SHISA9: variants seen among roughly 807,000 people sequenced by gnomAD.
The protein encoded by SHISA9 is shisa family member 9.
In SHISA9, 13 loss-of-function variants were observed where a neutral mutation model predicts 38.0. That is an observed-to-expected ratio of 0.34 (90% CI 0.22 to 0.54). SHISA9 has a LOEUF of 0.54. SHISA9 is among the 20% of genes least tolerant of loss of function. The probability of loss-of-function intolerance (pLI) is 0.91; values close to 1 mark genes in which losing one functional copy is unlikely to be tolerated. For missense variants in SHISA9, 538 were observed against 575.8 expected, an observed-to-expected ratio of 0.93 and a Z score of 0.67; for synonymous variants, 275 against 242.0, an observed-to-expected ratio of 1.14 and a Z score of -1.27.
At chr16:13,299,976 T>C in the SHISA9 span, among the ~76,000 whole-genome samples, 1 of 152,086 alleles carries the variant, frequency 6.6e-6, no homozygotes, top group Non-Finnish European at 1.5e-5. Context: ...GGTAGGAGTG[T>C]GGTTGCTCAA....
chr16:13,166,511 C>G (rs1034859745), intron 2 of SHISA9, among the ~76,000 whole-genome samples: 3 of 152,248 alleles, frequency 2.0e-5, no homozygotes, highest in African/African-American at 2.4e-5. Flanking sequence ...TCTATTCCCT[C>G]TGCACCCTCT....
the SHISA9 span, among the ~76,000 whole-genome samples, chr16:13,262,727 G>T: frequency 7.5e-6 from 1 of 132,562 alleles, no homozygotes; most frequent in African/African-American, 2.8e-5. Flanking sequence ...GAAGAGGCAG[G>T]GAGGGAGGGA....
At chr16:13,271,733 C>G in the SHISA9 span, among the ~76,000 whole-genome samples, 1 of 151,926 alleles carries the variant, frequency 6.6e-6, no homozygotes, top group African/African-American at 2.4e-5. Context: ...TGGAGGTGGG[C>G]ATAGTGATGA....
chr16:13,076,094 G>A (rs968889329), intron 2 of SHISA9, among the ~76,000 whole-genome samples: 7 of 149,858 alleles, frequency 4.7e-5, no homozygotes, highest in African/African-American at 1.2e-4. Context: ...GCAGTGGCGC[G>A]ATCTTGGCTT....
chr16:13,216,229 T>A (rs1006731652), intron 4 of SHISA9, among the ~76,000 whole-genome samples: 1 of 148,456 alleles, frequency 6.7e-6, no homozygotes, highest in African/African-American at 2.5e-5. Context: ...TTGGATATGA[T>A]GGGCTTAGAC....
the SHISA9 span, among the ~76,000 whole-genome samples, chr16:13,413,759 A>T: frequency 2.9e-4 from 2 of 6,982 alleles, no homozygotes; most frequent in African/African-American, 7.0e-4. Flanking sequence ...CTTCATCTCA[A>T]AAAAAAAAAA....
At chr16:13,266,741 G>A in the SHISA9 span, among the ~76,000 whole-genome samples, 1 of 152,308 alleles carries the variant, frequency 6.6e-6, no homozygotes, top group South Asian at 2.1e-4. Context: ...GTGGAACAGA[G>A]AGAAAAAAGG....
the SHISA9 span, among the ~76,000 whole-genome samples, chr16:13,323,616 G>A: frequency 3.0e-4 from 46 of 152,242 alleles, no homozygotes; most frequent in African/African-American, 1.1e-3. Flanking sequence ...TCACAGTTCC[G>A]CACGCCTGGG....
intron 2 of SHISA9, among the ~76,000 whole-genome samples, chr16:13,056,034 A>T (rs2073305841): frequency 6.6e-6 from 1 of 152,184 alleles, no homozygotes; most frequent in African/African-American, 2.4e-5. Flanking sequence ...CGCCTCTGTC[A>T]TGTGGACTGT....
the SHISA9 span, among the ~76,000 whole-genome samples, chr16:13,328,593 C>T: frequency 0.12 from 1,731 of 14,338 alleles, 27 homozygotes; most frequent in African/African-American, 0.21. Flanking sequence ...TATGTGTATA[C>T]ACACACACAC....
chr16:13,153,505 C>T (rs2050517390), intron 2 of SHISA9, among the ~76,000 whole-genome samples: 1 of 152,124 alleles, frequency 6.6e-6, no homozygotes. Flanking sequence ...TGATGTATCT[C>T]ATGCCCATTT....
Position 12,919,995 on chromosome 16 carries a change from T to G in SHISA9, c.691+3180T>G, listed in dbSNP as rs573249939. On this transcript the variant is annotated intron_variant, in intron 2 of 4. Coordinates refer to ENST00000558583, the MANE Select transcript of SHISA9 (RefSeq NM_001145204.3). ...CCTACCTCCTGCACCCCGACTTCCC[T>G]GACTGCCAGTGACACCCCTCTCCCC... Among the ~76,000 whole-genome samples the G allele has an allele frequency of 3.3e-5, 5 of 152,354 alleles. No homozygotes were observed. In the South Asian group the frequency reaches 1.0e-3, roughly 32 times the overall value.
rs544140686 is a variant in SHISA9 at position 13,054,767 on chromosome 16, C to T, written c.691+137952C>T. Among the ~76,000 whole-genome samples the T allele has an allele frequency of 7.9e-5, 12 of 152,290 alleles. No homozygotes were observed. The East Asian group carries it at 2.3e-3, about 29-fold the overall frequency. Reference sequence around the variant, plus strand: ...CTGCTTCTGGCCTCTCTCTGCACCTCCAGCCCCTCTCATGAGTGATGTTCA... The same window carrying T: ...CTGCTTCTGGCCTCTCTCTGCACCTTCAGCCCCTCTCATGAGTGATGTTCA... On this transcript the variant is annotated intron_variant, in intron 2 of 4. Coordinates refer to ENST00000558583, the MANE Select transcript of SHISA9 (RefSeq NM_001145204.3).
At chr16:12,947,240 T>C (rs1174459903) in intron 2 of SHISA9, among the ~76,000 whole-genome samples, 1 of 152,170 alleles carries the variant, frequency 6.6e-6, no homozygotes, top group East Asian at 1.9e-4. Context: ...GAAAAAGGTA[T>C]ATGACTGTAG....
intron 2 of SHISA9, among the ~76,000 whole-genome samples, chr16:13,177,152 CTTTG>C (rs1006013491): frequency 6.6e-6 from 1 of 152,196 alleles, no homozygotes; most frequent in African/African-American, 2.4e-5. Flanking sequence ...AAAATCTGCA[CTTTG>C]TTTGCACCAG....
intron 2 of SHISA9, among the ~76,000 whole-genome samples, chr16:12,981,511 T>C (rs749245367): frequency 6.6e-6 from 1 of 152,198 alleles, no homozygotes; most frequent in Non-Finnish European, 1.5e-5. Context: ...GCCACTCCAG[T>C]AGTTTACCAC....
intron 2 of SHISA9, among the ~76,000 whole-genome samples, chr16:13,109,539 A>G (rs2073957843): frequency 6.6e-6 from 1 of 152,204 alleles, no homozygotes; most frequent in Non-Finnish European, 1.5e-5. Flanking sequence ...ATGATGGTAT[A>G]ATTGACATAA....
the SHISA9 span, among the ~76,000 whole-genome samples, chr16:13,312,196 C>G: frequency 6.6e-6 from 1 of 152,174 alleles, no homozygotes; most frequent in African/African-American, 2.4e-5. Context: ...CCCAAGTGTG[C>G]TGCTGTAGCA....
At chr16:13,295,343 T>C in the SHISA9 span, among the ~76,000 whole-genome samples, 1 of 152,342 alleles carries the variant, frequency 6.6e-6, no homozygotes, top group East Asian at 1.9e-4. Context: ...TTTATCAGCC[T>C]GAATTCAGAG....
Sources: allele counts gnomAD v4.1 joint callset (sites outside exome capture counted in the v4.1 genomes callset), GRCh38; gene constraint gnomAD v4.1.1; transcripts MANE v1.5; gene names NCBI Gene and HGNC (gene_info 2026-07-23, HGNC 2026-07-21).